The following SOX5 variants were observed in gnomAD, a reference collection of about 807,000 sequenced individuals.
SOX5 encodes the protein SRY-box transcription factor 5.
In SOX5, 9 loss-of-function variants were observed where a neutral mutation model predicts 92.0. The ratio of observed to expected loss-of-function variants is 0.10; its 90% CI spans 0.06 to 0.17. SOX5 has a LOEUF of 0.17. Ranked by LOEUF, SOX5 falls within the 10% of genes least tolerant of loss-of-function variation. The pLI is 1.00. For synonymous variants in SOX5, 344 were observed against 336.3 expected (o/e 1.02, Z -0.25); for missense variants, 642 against 944.5 (o/e 0.68, Z 4.20).
In SOX5 at chr12:23,751,437, T is replaced by C. The variant is rs931533750; in HGVS notation, c.568+4201A>G. On this transcript the variant is annotated intron_variant, in intron 4 of 14. Coordinates refer to ENST00000451604, the MANE Select transcript of SOX5 (RefSeq NM_006940.6). Reference sequence around the variant, plus strand: ...TATTAGTTTCCATGTTTTAAATTTATAAAACTTATAGGATCCCTTACTAGA... The same window carrying C: ...TATTAGTTTCCATGTTTTAAATTTACAAAACTTATAGGATCCCTTACTAGA... 2.0e-5 allele frequency among the ~76,000 whole-genome samples: 3 copies of C among 151,920 alleles called. No individual in the cohort carries two copies. The East Asian group carries it at 5.8e-4, about 29-fold the overall frequency.
chr12:23,952,764 A>G (rs1026038971), upstream of SOX5, among the ~76,000 whole-genome samples: 6 of 152,192 alleles, frequency 3.9e-5, no homozygotes, highest in African/African-American at 1.4e-4. Context: ...GTTCACATAA[A>G]TTAGCTCATG....
chr12:23,867,504 A>G (rs1458126729), intron 2 of SOX5, among the ~76,000 whole-genome samples: 4 of 152,154 alleles, frequency 2.6e-5, no homozygotes, highest in Admixed American at 1.3e-4. Context: ...TTAAAATTCT[A>G]TGGATCTGTG....
At chr12:24,168,301 T>A (rs1186582046) in intron 4 of SOX5, among the ~76,000 whole-genome samples, 1 of 152,186 alleles carries the variant, frequency 6.6e-6, no homozygotes, top group African/African-American at 2.4e-5. Context: ...GATGCTTTTC[T>A]CCTACTAAAT....
chr12:24,329,704 G>A (rs777075207), intron 2 of SOX5, among the ~76,000 whole-genome samples: 10 of 151,688 alleles, frequency 6.6e-5, no homozygotes, highest in Non-Finnish European at 1.3e-4. Flanking sequence ...GTTAATTTTC[G>A]ATATAAGGGA....
chr12:23,592,533 C>T (rs1951716224), intron 9 of SOX5, among the ~76,000 whole-genome samples: 1 of 152,116 alleles, frequency 6.6e-6, no homozygotes, highest in Admixed American at 6.5e-5. Flanking sequence ...AGAAAAGGAG[C>T]ATGTTCTTCC....
At chr12:24,186,319 G>A (rs1003175802) in intron 4 of SOX5, among the ~76,000 whole-genome samples, 7 of 152,204 alleles carry the variant, frequency 4.6e-5, no homozygotes, top group South Asian at 2.1e-4. Context: ...GAACCTACAC[G>A]AATGCTGAGA....
At chr12:24,335,735 C>T (rs553425296) in intron 2 of SOX5, among the ~76,000 whole-genome samples, 1 of 152,004 alleles carries the variant, frequency 6.6e-6, no homozygotes, top group Non-Finnish European at 1.5e-5. Flanking sequence ...GCAAGTGACA[C>T]TTAGAAATCT....
intron 2 of SOX5, among the ~76,000 whole-genome samples, chr12:24,322,116 A>C (rs986295278): frequency 6.6e-6 from 1 of 152,172 alleles, no homozygotes; most frequent in Non-Finnish European, 1.5e-5. Context: ...CAGCAGTGAG[A>C]TCAAATTCAT....
At chr12:24,108,981 A>C (rs1565453205) in intron 4 of SOX5, among the ~76,000 whole-genome samples, 1 of 152,166 alleles carries the variant, frequency 6.6e-6, no homozygotes, top group African/African-American at 2.4e-5. Flanking sequence ...CAATATTTGA[A>C]GTTTTTGCCA....
intron 1 of SOX5, among the ~76,000 whole-genome samples, chr12:24,513,277 A>G (rs1949488946): frequency 6.6e-6 from 1 of 152,244 alleles, no homozygotes; most frequent in Non-Finnish European, 1.5e-5. Flanking sequence ...AATATTTTGC[A>G]TTTATGATGG....
chr12:24,464,053 C>A lies in SOX5; in HGVS notation c.-250-95414G>T, dbSNP rs2418175. On this transcript the variant is annotated intron_variant, in intron 1 of 4. Coordinates refer to the SOX5 transcript ENST00000446891. ...TAGGGGTTACCTACTGAGCGGTCGT[C>A]TATTAATTAGGGACTACTCTAGATA... is the stretch of plus-strand genomic sequence containing the variant. Among the ~76,000 whole-genome samples the A allele has an allele frequency of 2.0e-5, 3 of 152,152 alleles. No individual in the cohort carries two copies. In the South Asian group the frequency reaches 6.2e-4, roughly 32 times the overall value.
chr12:23,860,952 TAAAAA>T (rs71059935), intron 2 of SOX5, among the ~76,000 whole-genome samples: 21 of 45,950 alleles, frequency 4.6e-4, no homozygotes, highest in Middle Eastern at 0.014. Context: ...GTATATTTTG[TAAAAA>T]AAAAAAAAAA....
At chr12:23,541,829 G>A (rs947999196) in intron 13 of SOX5, among the ~76,000 whole-genome samples, 6 of 152,108 alleles carry the variant, frequency 3.9e-5, no homozygotes, top group African/African-American at 7.2e-5. Flanking sequence ...AAAAACATAC[G>A]GCCGGGCGTG....
At chr12:23,760,925 A>T (rs978438588) in intron 3 of SOX5, among the ~76,000 whole-genome samples, 1 of 152,152 alleles carries the variant, frequency 6.6e-6, no homozygotes, top group Non-Finnish European at 1.5e-5. Flanking sequence ...GCTCATTGAA[A>T]AATCGAACAA....
chr12:24,441,501 T>A (rs1017793861), intron 1 of SOX5, among the ~76,000 whole-genome samples: 3 of 152,228 alleles, frequency 2.0e-5, no homozygotes, highest in Admixed American at 1.3e-4. Flanking sequence ...TACTATTGCA[T>A]ATTATCGGAG....
chr12:23,913,398 T>G (rs1197815167), intron 1 of SOX5, among the ~76,000 whole-genome samples: 1 of 152,014 alleles, frequency 6.6e-6, no homozygotes, highest in Non-Finnish European at 1.5e-5. Context: ...CCACATCAAC[T>G]TTTTACACTC....
intron 4 of SOX5, among the ~76,000 whole-genome samples, chr12:24,003,112 TC>T (rs1951784414): frequency 6.6e-6 from 1 of 152,060 alleles, no homozygotes; most frequent in Admixed American, 6.6e-5. Flanking sequence ...CAACACCTAT[TC>T]ATGGTAGAAA....
At chr12:24,290,107 C>A (rs1946450742) in intron 2 of SOX5, among the ~76,000 whole-genome samples, 2 of 152,198 alleles carry the variant, frequency 1.3e-5, no homozygotes, top group African/African-American at 4.8e-5. Flanking sequence ...ACTATGCAGG[C>A]TGCTGTATTA....
chr12:23,951,002 C>T (rs1945539275), upstream of SOX5: 3 of 771,314 alleles, frequency 3.9e-6, no homozygotes, highest in South Asian at 1.6e-5. Context: ...CACACACACA[C>T]ACTCACTCAC....
Sources: allele counts gnomAD v4.1 joint callset (sites outside exome capture counted in the v4.1 genomes callset), GRCh38; gene constraint gnomAD v4.1.1; transcripts MANE v1.5; gene names NCBI Gene and HGNC (gene_info 2026-07-23, HGNC 2026-07-21).